The following TAF2 variants were observed in gnomAD, a reference collection of about 807,000 sequenced individuals.
TAF2 encodes the protein TATA-box binding protein associated factor 2.
TAF2 carries 61 observed loss-of-function variants against 138.5 expected under a neutral mutation model. That is an observed-to-expected ratio of 0.44 (90% CI 0.36 to 0.54). The LOEUF (loss-of-function observed/expected upper bound fraction) is 0.54. TAF2 is among the 20% of genes least tolerant of loss of function. The probability of loss-of-function intolerance (pLI) is 0.00; values close to 1 mark genes in which losing one functional copy is unlikely to be tolerated. For missense variants in TAF2, 1,090 were observed against 1,427.9 expected (o/e 0.76, Z 3.81); for synonymous variants, 475 against 469.9 (o/e 1.01, Z -0.14).
Position 119,753,325 on chromosome 8 carries a change from T to A in TAF2, c.2878+2681A>T, listed in dbSNP as rs552260158. Among the ~76,000 whole-genome samples, 441 of 152,284 alleles carry A rather than the reference T, an allele frequency of 2.9e-3. 4 individuals are homozygous for A. The highest frequency in any genetic ancestry group is 9.7e-3 in the African/African-American group (402 of 41,564). ...TATTACTTTTGCCATTAAATTTTTT[T>A]AAATCAAATAAAAAAAGTATTTCTT... is the stretch of plus-strand genomic sequence containing the variant. On this transcript the variant is annotated intron_variant, in intron 22 of 25. Transcript: ENST00000378164.
At chr8:119,788,969 C>T in intron 12 of TAF2, 65 bp from the exon 13 acceptor site, 1 of 1,068,716 alleles carries the variant, frequency 9.4e-7, no homozygotes, top group Admixed American at 1.7e-5. Flanking sequence ...GTAAGTTATC[C>T]ATCATGGTAT....
intron 19 of TAF2, among the ~76,000 whole-genome samples, 179 bp from the exon 20 acceptor site, chr8:119,760,917 C>T (rs1168412509): frequency 6.6e-6 from 1 of 152,160 alleles, no homozygotes; most frequent in Non-Finnish European, 1.5e-5. Context: ...CAATGATGAA[C>T]TGCATATACA....
intron 2 of TAF2, among the ~76,000 whole-genome samples, chr8:119,827,071 T>G (rs1396812666): frequency 6.6e-6 from 1 of 152,118 alleles, no homozygotes; most frequent in Non-Finnish European, 1.5e-5. Flanking sequence ...TACGTGCCTG[T>G]GGTCCCAGCT....
At chr8:119,832,423 A>G in intron 1 of TAF2, 59 bp downstream of exon 1, 1 of 1,561,536 alleles carries the variant, frequency 6.4e-7, no homozygotes, top group East Asian at 2.2e-5. Context: ...AAGCAATCGC[A>G]AAATATAATT....
chr8:119,825,673 C>CG (rs1563930638), intron 2 of TAF2, among the ~76,000 whole-genome samples: 3 of 151,854 alleles, frequency 2.0e-5, no homozygotes, highest in Non-Finnish European at 4.4e-5. Context: ...CGAGACCTGA[C>CG]GGTTTTTTTG....
intron 2 of TAF2, among the ~76,000 whole-genome samples, chr8:119,821,673 G>A (rs1301961414): frequency 6.6e-6 from 1 of 152,174 alleles, no homozygotes; most frequent in East Asian, 1.9e-4. Flanking sequence ...ATGATATTGA[G>A]CTAGTAACTC....
At chr8:119,785,415 T>C (rs1822947688) in intron 14 of TAF2, 149 bp from the exon 15 acceptor site, 2 of 619,228 alleles carry the variant, frequency 3.2e-6, no homozygotes, top group South Asian at 3.9e-5. Flanking sequence ...AAAATTTAAA[T>C]AGAACAAAGT....
intron 18 of TAF2, among the ~76,000 whole-genome samples, chr8:119,770,055 C>G: frequency 8.2e-6 from 1 of 122,434 alleles, no homozygotes; most frequent in Non-Finnish European, 1.8e-5. Flanking sequence ...CTGCACGCAG[C>G]CCCCAATTTT....
chr8:119,831,773 T>C (rs989451764), intron 1 of TAF2, 42 bp from the exon 2 acceptor site: 1 of 1,296,592 alleles, frequency 7.7e-7, no homozygotes, highest in African/African-American at 1.5e-5. Context: ...AAAAAATAAT[T>C]TTTATTATTA....
intron 2 of TAF2, among the ~76,000 whole-genome samples, chr8:119,830,898 G>C (rs891771036): frequency 6.6e-6 from 1 of 152,112 alleles, no homozygotes; most frequent in Non-Finnish European, 1.5e-5. Flanking sequence ...TTGAGGTCAG[G>C]AGTTCGAGAC....
chr8:119,774,865 A>G (rs1267712411), intron 18 of TAF2, among the ~76,000 whole-genome samples: 1 of 152,136 alleles, frequency 6.6e-6, no homozygotes, highest in Non-Finnish European at 1.5e-5. Context: ...CTCATTAAAA[A>G]ATTTCAATTT....
Position 119,801,812 on chromosome 8 carries a change from T to C in TAF2, c.774A>G (p.Val258=). The change falls in exon 6 of 26, where the codon GTA becomes GTG. Residue 258 remains valine (V), a synonymous_variant. Transcript: ENST00000378164. ...GACTTACCTCATGCATGTATGGATC[T>C]ACCAGTATTTCAAATGGTCCAATGG... is the stretch of plus-strand genomic sequence containing the variant. The part of the protein sequence containing the change: ...SLAIGPFEIL[V]DPYMHEVTHF... 2.5e-6 allele frequency: 4 copies of C among 1,614,050 alleles called. No homozygotes were observed. The highest frequency in any genetic ancestry group is 3.4e-6 in the Non-Finnish European group (4 of 1,179,902).
In TAF2 at chr8:119,791,037, G is replaced by C. The variant is rs899755538; in HGVS notation, c.1413+287C>G. ...GCTGGTCTCGAACCCCTGGCCTCAA[G>C]CAATCATCCCACCTCAGCCTCCCAA... is the stretch of plus-strand genomic sequence containing the variant. On this transcript the variant is annotated intron_variant, in intron 11 of 25. Transcript: ENST00000378164. 2.6e-5 allele frequency among the ~76,000 whole-genome samples: 4 copies of C among 152,076 alleles called. No individual in the cohort carries two copies. In the South Asian group the frequency reaches 8.3e-4, roughly 31 times the overall value.
In TAF2 at chr8:119,789,739, T is replaced by C; in HGVS notation, c.1421A>G (p.Asn474Ser). Residue 474 changes from asparagine to serine, a missense_variant, in exon 12 of 26, where the codon AAT (asparagine) becomes AGT (serine). Asn to Ser is a conservative substitution (Grantham distance 46, BLOSUM62 1). This residue lies in a region of TAF2 where 504 missense variants were observed against 680.9 expected (regional missense o/e 0.74). Transcript: ENST00000378164. ...AGTACTAGCCAGACTTAGCAGTTTATTGAAAACCTGTAAGGATAAAATCAT... is the reference window on the plus strand; with the variant it reads ...AGTACTAGCCAGACTTAGCAGTTTACTGAAAACCTGTAAGGATAAAATCAT... ...ISMEFMLQVF[N>S]KLLSLASTAS... 1 of 1,613,596 alleles carries C rather than the reference T, an allele frequency of 6.2e-7. No individual in the cohort carries two copies. The highest frequency in any genetic ancestry group is 8.5e-7 in the Non-Finnish European group (1 of 1,179,824).
intron 24 of TAF2, among the ~76,000 whole-genome samples, chr8:119,743,005 G>A (rs775061438): frequency 4.6e-5 from 7 of 151,916 alleles, no homozygotes; most frequent in Non-Finnish European, 1.0e-4. Context: ...GGAGGCAAAG[G>A]CTGCAGTTAG....
intron 2 of TAF2, among the ~76,000 whole-genome samples, chr8:119,829,094 T>A (rs923389778): frequency 1.3e-5 from 2 of 152,158 alleles, no homozygotes; most frequent in African/African-American, 4.8e-5. Flanking sequence ...AGTGGATGCG[T>A]TGGGGTTAAA....
At chr8:119,761,048 T>A (rs1006013333) in intron 19 of TAF2, among the ~76,000 whole-genome samples, 1 of 152,210 alleles carries the variant, frequency 6.6e-6, no homozygotes, top group African/African-American at 2.4e-5. Flanking sequence ...AATAATGTCC[T>A]ATACCTTCAC....
intron 18 of TAF2, among the ~76,000 whole-genome samples, chr8:119,775,560 G>A (rs1428609571): frequency 6.6e-6 from 1 of 151,722 alleles, no homozygotes; most frequent in Non-Finnish European, 1.5e-5. Flanking sequence ...ACAATTAGCT[G>A]GGCGTGGGGG....
At chr8:119,760,939 G>A (rs1057106579) in intron 19 of TAF2, among the ~76,000 whole-genome samples, 2 of 152,240 alleles carry the variant, frequency 1.3e-5, no homozygotes, top group East Asian at 1.9e-4. Flanking sequence ...TGGTGGTCCA[G>A]TAAGCTAAAA....
Sources: allele counts gnomAD v4.1 joint callset (sites outside exome capture counted in the v4.1 genomes callset), GRCh38; gene constraint gnomAD v4.1.1; regional missense constraint gnomAD v4.1.1; transcripts MANE v1.5; gene names NCBI Gene and HGNC (gene_info 2026-07-23, HGNC 2026-07-21).